Variants in NKD1 observed in about 807,000 individuals in gnomAD.
NKD1 encodes the protein NKD inhibitor of Wnt signaling pathway 1, also known as protein naked cuticle homolog 1.
In NKD1, 21 loss-of-function variants were observed where a neutral mutation model predicts 56.0. The ratio of observed to expected loss-of-function variants is 0.38; its 90% CI spans 0.27 to 0.54. The LOEUF (loss-of-function observed/expected upper bound fraction) is 0.54. Among genes scored for constraint, NKD1 ranks in the 20% least tolerant of loss-of-function variants. NKD1 has a pLI of 0.82. For missense variants in NKD1, 578 were observed against 642.7 expected (o/e 0.90, Z 1.09); for synonymous variants, 263 against 265.7 (o/e 0.99, Z 0.10).
At chr16:50,579,904 G>A (rs904937152) in intron 3 of NKD1, among the ~76,000 whole-genome samples, 7 of 151,836 alleles carry the variant, frequency 4.6e-5, no homozygotes, top group East Asian at 3.9e-4. Flanking sequence ...ACTCTAACTC[G>A]CCACACATGC....
Position 50,579,246 on chromosome 16 carries a change from C to T in NKD1, c.193-29048C>T, listed in dbSNP as rs960313613. On this transcript the variant is annotated intron_variant, in intron 3 of 9. Transcript: ENST00000268459. ...CCACGCATGCACTGTCTTACTCCTG[C>T]GGGCTACCCGCTACACACGCACTCT... Among the ~76,000 whole-genome samples, 8 of 149,828 alleles carry T rather than the reference C, an allele frequency of 5.3e-5. No homozygotes were observed. The East Asian group carries it at 6.0e-4, about 11-fold the overall frequency.
At chr16:50,628,956 CT>C (rs5816708) in intron 6 of NKD1, among the ~76,000 whole-genome samples, 128 of 137,444 alleles carry the variant, frequency 9.3e-4, no homozygotes, top group Admixed American at 1.7e-3. Flanking sequence ...GTGTCTCTTC[CT>C]TTTTTTTTTT....
In NKD1 at chr16:50,632,437, C is replaced by T. The variant is rs200487943; in HGVS notation, c.823+29C>T. 21 of 1,613,252 alleles carry T rather than the reference C, an allele frequency of 1.3e-5. No homozygotes were observed. The highest frequency in any genetic ancestry group is 8.9e-5 in the East Asian group (4 of 44,896). On this transcript the variant is annotated intron_variant, in intron 9 of 9. Transcript: ENST00000268459. This position sits in a 1 kb window ranked among gnomAD's most constrained non-coding sequence, Gnocchi z 4.1. ...AGGGACTCAAGCACCCTGCAATGGGCGATGAGGGCAGGGCGTGGCTGGACG... is the reference window on the plus strand; with the variant it reads ...AGGGACTCAAGCACCCTGCAATGGGTGATGAGGGCAGGGCGTGGCTGGACG...
chr16:50,631,495 A>G (rs1358607014), intron 8 of NKD1, among the ~76,000 whole-genome samples: 2 of 152,152 alleles, frequency 1.3e-5, no homozygotes, highest in Admixed American at 1.3e-4. Flanking sequence ...GCAAATGGTA[A>G]GGGAATGATC....
In NKD1 at chr16:50,632,518, A is replaced by G. The variant is rs1412492318; in HGVS notation, c.823+110A>G. On this transcript the variant is annotated intron_variant, in intron 9 of 9. Coordinates refer to ENST00000268459, the MANE Select transcript of NKD1 (RefSeq NM_033119.5). The surrounding 1 kb of genome is among the most constrained non-coding windows in gnomAD (Gnocchi z 4.1). ...TGCTACCCCAGGCTTCGGTAAGACA[A>G]CTATTATGGGACAGGTCAAAGACTT... 22 of 1,056,816 alleles carry G rather than the reference A, an allele frequency of 2.1e-5. No individual in the cohort carries two copies. The East Asian group carries it at 3.9e-4, about 19-fold the overall frequency. 65.5% of individuals were successfully genotyped at this position (1,056,816 alleles called of 1,614,324 possible).
Position 50,649,245 on chromosome 16 carries a change from A to C in NKD1, c.*15464A>C, listed in dbSNP as rs1962734338. On this transcript the variant is annotated 3_prime_UTR_variant, in exon 10 of 10. Coordinates refer to ENST00000268459, the MANE Select transcript of NKD1 (RefSeq NM_033119.5). ...TTATTTCAAAATAAAAAAATTTTAA[A>C]AATAGTGGCGTTGCTCAGATCTCAG... The C allele has an allele frequency of 6.6e-6, 1 of 152,162 alleles. No homozygotes were observed. The highest frequency in any genetic ancestry group is 2.4e-5 in the African/African-American group (1 of 41,432). The allele number at this position is 152,162 out of a possible 1,614,324, so 9.4% of individuals were successfully genotyped here.
chr16:50,613,283 C>CAG (rs968783908), intron 4 of NKD1, among the ~76,000 whole-genome samples: 12 of 151,990 alleles, frequency 7.9e-5, no homozygotes, highest in East Asian at 5.8e-4. Flanking sequence ...GGGCAAGAAA[C>CAG]AGAGAGAGAG....
chr16:50,607,554 G>C (rs1339904498), intron 3 of NKD1: 1 of 155,630 alleles, frequency 6.4e-6, no homozygotes, highest in Non-Finnish European at 1.4e-5. Context: ...TCCTAAAGTG[G>C]GTTTCTTGGG....
At chr16:50,579,047 C>G (rs185551328) in intron 3 of NKD1, among the ~76,000 whole-genome samples, 1 of 152,310 alleles carries the variant, frequency 6.6e-6, no homozygotes, top group East Asian at 1.9e-4. Context: ...TACACGCACT[C>G]TAACCTGCTA....
In NKD1 at chr16:50,640,153, A is replaced by T. The variant is rs181401642; in HGVS notation, c.*6372A>T. 6.6e-6 allele frequency: 1 copy of T among 152,258 alleles called. No homozygotes were observed. Among genetic ancestry groups the T allele is most frequent in the African/African-American group, 2.4e-5 (1 of 41,508 alleles). 9.4% of individuals were successfully genotyped at this position (152,258 alleles called of 1,614,324 possible). ...CATTCAAGGATTAGAAGAAGGACTA[A>T]AGTACAACAGCCTTGGAGGAACTGC... On this transcript the variant is annotated 3_prime_UTR_variant, in exon 10 of 10. Transcript: ENST00000268459.
rs571813758 is a variant in NKD1, at chr16:50,602,936, A to G, written c.193-5358A>G. On this transcript the variant is annotated intron_variant, in intron 3 of 9. Transcript: ENST00000268459. ...AGTGCATTGCCCTAAACATCACTGG[A>G]TTCGAATGTGCCTCCTGGACACACA... is the stretch of plus-strand genomic sequence containing the variant. Among the ~76,000 whole-genome samples, 24 of 152,352 alleles carry G rather than the reference A, an allele frequency of 1.6e-4. No homozygotes were observed. In the East Asian group the frequency reaches 3.5e-3, roughly 22 times the overall value.
intron 6 of NKD1, among the ~76,000 whole-genome samples, chr16:50,627,613 G>A (rs1244570046): frequency 6.6e-6 from 1 of 152,244 alleles, no homozygotes; most frequent in Non-Finnish European, 1.5e-5. Context: ...TGCCAGGGCA[G>A]ATGGGCTCCC....
At chr16:50,574,666 C>T (rs1960955398) in intron 3 of NKD1, 2 of 985,418 alleles carry the variant, frequency 2.0e-6, no homozygotes, top group Non-Finnish European at 2.4e-6. Flanking sequence ...GGGGTCCCCT[C>T]CCCACCTCCT....
At chr16:50,562,391 T>C (rs879578738) in intron 3 of NKD1, 1 of 448,502 alleles carries the variant, frequency 2.2e-6, no homozygotes, top group Non-Finnish European at 2.9e-6. Context: ...ATTTTGCTTT[T>C]CATTTTGTAC....
At chr16:50,595,527 G>A (rs1961454183) in intron 3 of NKD1, among the ~76,000 whole-genome samples, 1 of 152,112 alleles carries the variant, frequency 6.6e-6, no homozygotes, top group Non-Finnish European at 1.5e-5. Flanking sequence ...GGAACACCCA[G>A]GGGCATGTCC....
rs776210531 is a variant in NKD1 at position 50,625,551 on chromosome 16, T to C, written c.433T>C (p.Phe145Leu). Residue 145 changes from phenylalanine (F) to leucine (L), a missense_variant, in exon 6 of 10, where the codon TTT (phenylalanine) becomes CTT (leucine). Phe to Leu is a conservative substitution (Grantham distance 22, BLOSUM62 0). Coordinates refer to ENST00000268459, the MANE Select transcript of NKD1 (RefSeq NM_033119.5). ...RQEWTFTLYD[F>L]DNNGKVTRED... ...GGAGTGGACCTTCACCCTGTATGAC[T>C]TTGACAACAACGGCAAGGTCACCCG... is the stretch of plus-strand genomic sequence containing the variant. The C allele has an allele frequency of 3.1e-6, 5 of 1,613,590 alleles. No individual in the cohort carries two copies. In the Admixed American group the frequency reaches 8.3e-5, roughly 27 times the overall value.
chr16:50,624,658 A>G (rs1013230051), intron 5 of NKD1, among the ~76,000 whole-genome samples: 1 of 152,192 alleles, frequency 6.6e-6, no homozygotes, highest in Non-Finnish European at 1.5e-5. Flanking sequence ...AAGCCAGTGA[A>G]GGCTGGGTTC....
chr16:50,631,887 C>A (rs1191808195), intron 8 of NKD1, among the ~76,000 whole-genome samples: 1 of 152,248 alleles, frequency 6.6e-6, no homozygotes, highest in Non-Finnish European at 1.5e-5. Flanking sequence ...GATTCTGCTG[C>A]CCACACCCCC....
chr16:50,572,634 G>T (rs1375047814), intron 3 of NKD1, among the ~76,000 whole-genome samples: 1 of 152,136 alleles, frequency 6.6e-6, no homozygotes, highest in East Asian at 1.9e-4. Flanking sequence ...GGGTTCAGGG[G>T]ATCTGCTGTG....
Sources: gnomAD v4.1 joint callset for allele counts (sites outside exome capture counted in the v4.1 genomes callset) on GRCh38, gnomAD v4.1.1 for gene constraint, Gnocchi (gnomAD v3.1) non-coding constraint, MANE v1.5 for transcripts, NCBI Gene and HGNC (gene_info 2026-07-23, HGNC 2026-07-21) for gene names.